Variants in TRMT44 observed in about 807,000 individuals in gnomAD.
TRMT44 encodes probable tRNA (uracil-O(2)-)-methyltransferase.
TRMT44 carries 78 observed loss-of-function variants against 77.3 expected under a neutral mutation model. The observed-to-expected ratio is 1.01, with a 90% CI of 0.84 to 1.22. TRMT44 has a LOEUF of 1.22. Among genes scored for constraint, TRMT44 ranks in the 50% most tolerant of loss-of-function variants. The probability of loss-of-function intolerance (pLI) is 0.00; values close to 1 mark genes in which losing one functional copy is unlikely to be tolerated. For synonymous variants in TRMT44, 391 were observed against 383.3 expected (o/e 1.02, Z -0.23); for missense variants, 1,090 against 964.4 (o/e 1.13, Z -1.73).
At chr4:8,484,958 G>T (rs1015685868) in intron 2 of TRMT44, among the ~76,000 whole-genome samples, 3 of 152,162 alleles carry the variant, frequency 2.0e-5, no homozygotes, top group African/African-American at 7.2e-5. Context: ...CTTTGGAGGG[G>T]GATACCCGAT....
At position 8,444,500 on chromosome 4, in the gene TRMT44, C is replaced by T. The variant is rs535762797; in HGVS notation, c.620-1976C>T. Among the ~76,000 whole-genome samples the T allele has an allele frequency of 7.9e-5, 12 of 151,526 alleles. No individual in the cohort carries two copies. Among genetic ancestry groups the T allele is most frequent in the South Asian group, 6.2e-4 (3 of 4,806 alleles). On this transcript the variant is annotated intron_variant, in intron 1 of 10. Transcript: ENST00000389737. The surrounding 1 kb of genome is among the most constrained non-coding windows in gnomAD (Gnocchi z 4.0). The stretch of plus-strand genomic sequence containing the variant: ...GCAACCTCCGCCTCCTGGGTTCGAG[C>T]GATTCTCCTAACTTAGCCTCCCAAG...
the TRMT44 span, among the ~76,000 whole-genome samples, chr4:8,503,556 G>A: frequency 6.6e-6 from 1 of 152,310 alleles, no homozygotes; most frequent in South Asian, 2.1e-4. Flanking sequence ...CCGGATGGAG[G>A]GTTTGGTGGA....
Position 8,446,910 on chromosome 4 carries a change from C to T in TRMT44, c.734+320C>T, listed in dbSNP as rs868146773. On this transcript the variant is annotated intron_variant, in intron 2 of 10. Coordinates refer to ENST00000389737, the MANE Select transcript of TRMT44 (RefSeq NM_152544.3). The surrounding 1 kb of genome is among the most constrained non-coding windows in gnomAD (Gnocchi z 4.3). ...GTTATTGTTATTATTATTATTGAGA[C>T]AGTCTTACACTGTTGCCCAGGCTGG... Among the ~76,000 whole-genome samples, 9 of 152,282 alleles carry T rather than the reference C, an allele frequency of 5.9e-5. No individual in the cohort carries two copies. Among genetic ancestry groups the T allele is most frequent in the Non-Finnish European group, 1.2e-4 (8 of 68,020 alleles).
the TRMT44 span, among the ~76,000 whole-genome samples, chr4:8,500,279 G>T: frequency 6.6e-6 from 1 of 152,050 alleles, no homozygotes; most frequent in Non-Finnish European, 1.5e-5. Context: ...ATCACCTGAG[G>T]TCAGGAGTTC....
Position 8,446,527 on chromosome 4 carries a change from G to T in TRMT44, c.671G>T (p.Gly224Val), listed in dbSNP as rs183531811. Residue 224 changes from glycine to valine, a missense_variant, in exon 2 of 11, where the codon GGG becomes GTG. Gly to Val is a moderately radical substitution (Grantham distance 109, BLOSUM62 -3). Coordinates refer to ENST00000389737, the MANE Select transcript of TRMT44 (RefSeq NM_152544.3). The surrounding 1 kb of genome is among the most constrained non-coding windows in gnomAD (Gnocchi z 4.3). Reference sequence around the variant, plus strand: ...TTGCCTTTGGAAGAAGATGATGAGGGGAACCTAAAGGTTAAGATGAGCAAT... The same window carrying T: ...TTGCCTTTGGAAGAAGATGATGAGGTGAACCTAAAGGTTAAGATGAGCAAT... ...TFLPLEEDDE[G>V]NLKVKMSNVY... The T allele has an allele frequency of 1.8e-5, 27 of 1,536,432 alleles. No individual in the cohort carries two copies. Among genetic ancestry groups the T allele is most frequent in the African/African-American group, 9.6e-5 (7 of 73,138 alleles).
intron 6 of TRMT44, among the ~76,000 whole-genome samples, chr4:8,456,433 G>C (rs538173021): frequency 1.6e-4 from 24 of 152,104 alleles, no homozygotes; most frequent in Middle Eastern, 3.4e-3. Flanking sequence ...GAAAAGTTAC[G>C]GCATTAGAAG....
chr4:8,460,441 C>T (rs973737159), intron 6 of TRMT44, among the ~76,000 whole-genome samples: 2 of 152,234 alleles, frequency 1.3e-5, no homozygotes, highest in South Asian at 2.1e-4. Flanking sequence ...CTATCACTTA[C>T]CCTCAAGCAG....
At chr4:8,511,449 G>A in the TRMT44 span, among the ~76,000 whole-genome samples, 2 of 152,122 alleles carry the variant, frequency 1.3e-5, no homozygotes, top group Non-Finnish European at 1.5e-5. Context: ...TACATGGAAC[G>A]GAGACTTTGC....
At position 8,446,576 on chromosome 4, in the gene TRMT44, T is replaced by C. The variant is rs2109088287; in HGVS notation, c.720T>C (p.His240=). The C allele has an allele frequency of 6.5e-7, 1 of 1,534,838 alleles. No homozygotes were observed. The highest frequency in any genetic ancestry group is 1.2e-5 in the South Asian group (1 of 84,020). Residue 240 remains histidine, a synonymous_variant, in exon 2 of 11, where the codon CAT becomes CAC. Coordinates refer to ENST00000389737, the MANE Select transcript of TRMT44 (RefSeq NM_152544.3). The surrounding 1 kb of genome is among the most constrained non-coding windows in gnomAD (Gnocchi z 4.3). ...ATGTGTATCAAATTCAGCTCAGTCATAGCAAAGAAGAATGGTAAGAGCTGG... is the reference window on the plus strand; with the variant it reads ...ATGTGTATCAAATTCAGCTCAGTCACAGCAAAGAAGAATGGTAAGAGCTGG... The part of the protein sequence containing the change: ...MSNVYQIQLS[H]SKEEWFISVL...
intron 2 of TRMT44, among the ~76,000 whole-genome samples, chr4:8,487,108 A>G (rs1046319921): frequency 1.3e-5 from 2 of 152,210 alleles, no homozygotes; most frequent in African/African-American, 2.4e-5. Context: ...TTGCTATTTT[A>G]TGACAAGAAT....
At chr4:8,515,897 A>G in the TRMT44 span, among the ~76,000 whole-genome samples, 1 of 152,150 alleles carries the variant, frequency 6.6e-6, no homozygotes, top group Non-Finnish European at 1.5e-5. Context: ...TTATAGTCCA[A>G]TAAGAAGTGG....
chr4:8,449,701 G>A lies in TRMT44; in HGVS notation c.767G>A (p.Arg256Lys). The change falls in exon 3 of 11, where the codon AGA becomes AAA. Residue 256 changes from arginine (R) to lysine (K), a missense_variant. Physicochemically the swap from Arg to Lys is conservative, Grantham distance 26. Transcript: ENST00000389737. ...FISVLIFCPE[R>K]WHSDGIVYPK... Reference sequence around the variant, plus strand: ...TCTGTTTTAATTTTCTGTCCAGAAAGATGGCATTCAGATGGAATCGTGTAT... The same window carrying A: ...TCTGTTTTAATTTTCTGTCCAGAAAAATGGCATTCAGATGGAATCGTGTAT... The A allele has an allele frequency of 6.5e-7, 1 of 1,536,024 alleles. No individual in the cohort carries two copies. The highest frequency in any genetic ancestry group is 8.7e-7 in the Non-Finnish European group (1 of 1,146,896).
chr4:8,494,067 C>G (rs2093601808), downstream of TRMT44, among the ~76,000 whole-genome samples: 2 of 150,732 alleles, frequency 1.3e-5, no homozygotes, highest in Non-Finnish European at 3.0e-5. Context: ...GTGTGTGAGG[C>G]AGCTGTGGGG....
intron 1 of TRMT44, among the ~76,000 whole-genome samples, chr4:8,441,951 T>G (rs1724745118): frequency 6.6e-6 from 1 of 152,246 alleles, no homozygotes. Context: ...AGGGAGACAG[T>G]GCATCATACA....
chr4:8,470,361 TCTC>T (rs1726901665), intron 9 of TRMT44, among the ~76,000 whole-genome samples: 1 of 152,044 alleles, frequency 6.6e-6, no homozygotes, highest in African/African-American at 2.4e-5. Flanking sequence ...TCTCCTCCGC[TCTC>T]CTGCAGCTTG....
In TRMT44 at chr4:8,468,268, G is replaced by T. The variant is rs1171113445; in HGVS notation, c.1849G>T (p.Ala617Ser). 1 of 1,614,120 alleles carries T rather than the reference G, an allele frequency of 6.2e-7. No individual in the cohort carries two copies. Among genetic ancestry groups the T allele is most frequent in the South Asian group, 1.1e-5 (1 of 91,092 alleles). ...DFIDQVVLQV[A>S]NLLLGGKQLN... ...TATTGACCAAGTGGTTTTGCAAGTA[G>T]CGAATTTACTGTTAGGTGGAAAGCA... Residue 617 changes from alanine to serine, a missense_variant, in exon 9 of 11, where the codon GCG (alanine) becomes TCG (serine). Coordinates refer to ENST00000389737, the MANE Select transcript of TRMT44 (RefSeq NM_152544.3).
rs1724628705 is a variant in TRMT44, at chr4:8,440,969, C to A, written c.147C>A (p.Ala49=). 6.5e-7 allele frequency: 1 copy of A among 1,527,168 alleles called. No homozygotes were observed. The highest frequency in any genetic ancestry group is 1.2e-5 in the South Asian group (1 of 82,982). The allele number at this position is 1,527,168 out of a possible 1,614,324, so 94.6% of individuals were successfully genotyped here. The stretch of plus-strand genomic sequence containing the variant: ...CCCGCCTGGAGGCCCGCTGGAGCGC[C>A]GCCCTGCCCTGCGCGGAGGCCCGCG... ...CGARLEARWS[A]ALPCAEARGP... Residue 49 remains alanine (A), a synonymous_variant, in exon 1 of 11, where the codon GCC becomes GCA. Transcript: ENST00000389737.
chr4:8,486,521 T>C (rs1727809648), intron 2 of TRMT44, among the ~76,000 whole-genome samples: 1 of 152,166 alleles, frequency 6.6e-6, no homozygotes, highest in Admixed American at 6.5e-5. Flanking sequence ...TGGATTTTTA[T>C]TTAATTTTTG....
intron 2 of TRMT44, among the ~76,000 whole-genome samples, chr4:8,486,579 G>A (rs1019665468): frequency 7.2e-5 from 11 of 151,920 alleles, no homozygotes; most frequent in African/African-American, 1.9e-4. Flanking sequence ...ACGGCCTTCT[G>A]ACTTTTTAGG....
Sources: allele counts gnomAD v4.1 joint callset (sites outside exome capture counted in the v4.1 genomes callset), GRCh38; gene constraint gnomAD v4.1.1; non-coding constraint Gnocchi (gnomAD v3.1); transcripts MANE v1.5; gene names NCBI Gene and HGNC (gene_info 2026-07-23, HGNC 2026-07-21).